The following RAPGEF1 variants were observed in gnomAD, a reference collection of about 807,000 sequenced individuals.
RAPGEF1 encodes the protein CRK SH3-binding GNRP.
RAPGEF1 carries 33 observed loss-of-function variants against 143.3 expected under a neutral mutation model. The observed-to-expected ratio is 0.23, with a 90% CI of 0.17 to 0.31. RAPGEF1 has a LOEUF of 0.31. Among genes scored for constraint, RAPGEF1 ranks in the 10% least tolerant of loss-of-function variants. The pLI, the probability that RAPGEF1 is intolerant of heterozygous loss-of-function variation, is 1.00. For synonymous variants in RAPGEF1, 629 were observed against 676.5 expected (o/e 0.93, Z 1.09); for missense variants, 1,199 against 1,645.4 (o/e 0.73, Z 4.69).
intron 1 of RAPGEF1, among the ~76,000 whole-genome samples, chr9:131,651,427 C>T (rs1971053915): frequency 6.6e-6 from 1 of 152,188 alleles, no homozygotes; most frequent in Non-Finnish European, 1.5e-5. Context: ...GTTCAAAATC[C>T]TCTGGGCCCT....
chr9:131,719,886 CTTTT>C (rs34813794), intron 1 of RAPGEF1, among the ~76,000 whole-genome samples: 5 of 135,718 alleles, frequency 3.7e-5, no homozygotes, highest in Non-Finnish European at 7.9e-5. Flanking sequence ...TTCTTTCTTT[CTTTT>C]TTTTTTTTTT....
intron 1 of RAPGEF1, among the ~76,000 whole-genome samples, chr9:131,718,511 A>T (rs1193325236): frequency 1.3e-5 from 2 of 152,146 alleles, no homozygotes; most frequent in Admixed American, 1.3e-4. Flanking sequence ...GCCTGGAGTA[A>T]GGGGTCAGCA....
At chr9:131,602,179 G>T in intron 14 of RAPGEF1, 30 bp from the exon 15 acceptor site, 3 of 1,529,370 alleles carry the variant, frequency 2.0e-6, no homozygotes, top group Non-Finnish European at 1.8e-6. Context: ...CTGAGTTCTG[G>T]ACAGGGGCCC....
At chr9:131,603,217 C>G (rs988980881) in intron 14 of RAPGEF1, among the ~76,000 whole-genome samples, 3 of 152,248 alleles carry the variant, frequency 2.0e-5, no homozygotes, top group East Asian at 1.9e-4. Flanking sequence ...GGGGGCCCGC[C>G]CTGGGGTGGA....
intron 22 of RAPGEF1, among the ~76,000 whole-genome samples, chr9:131,586,845 C>CACAA (rs1953055658): frequency 9.0e-6 from 1 of 110,820 alleles, no homozygotes; most frequent in Non-Finnish European, 1.8e-5. Flanking sequence ...GTCTCAAACA[C>CACAA]ACACACACAC....
intron 1 of RAPGEF1, among the ~76,000 whole-genome samples, chr9:131,706,774 A>G (rs1384349967): frequency 6.6e-6 from 1 of 152,176 alleles, no homozygotes; most frequent in Non-Finnish European, 1.5e-5. Context: ...CCCCGGGTCT[A>G]TCAGCCCAAA....
At chr9:131,725,672 C>T (rs769713990) in intron 1 of RAPGEF1, among the ~76,000 whole-genome samples, 1 of 151,898 alleles carries the variant, frequency 6.6e-6, no homozygotes, top group Non-Finnish European at 1.5e-5. Flanking sequence ...TGATGTTGAG[C>T]ACATTTTGAT....
At chr9:131,679,894 C>T (rs1479724273) in intron 1 of RAPGEF1, among the ~76,000 whole-genome samples, 2 of 152,298 alleles carry the variant, frequency 1.3e-5, no homozygotes, top group Middle Eastern at 3.4e-3. Context: ...AGTCAGCTGG[C>T]AAGAGGAGTT....
At chr9:131,695,146 A>T (rs1329995548) in intron 1 of RAPGEF1, among the ~76,000 whole-genome samples, 1 of 152,174 alleles carries the variant, frequency 6.6e-6, no homozygotes, top group Non-Finnish European at 1.5e-5. Context: ...CCTGGCATGC[A>T]GCACATGTCT....
rs1032905609 is a variant in RAPGEF1, at chr9:131,685,325, C to G, written c.62-34376G>C. Among the ~76,000 whole-genome samples, 7 of 152,346 alleles carry G rather than the reference C, an allele frequency of 4.6e-5. 1 individual carries two copies. In the South Asian group the frequency reaches 1.4e-3, roughly 32 times the overall value. Reference sequence around the variant, plus strand: ...ATGTTGGGAGCAGGCCCCCCAAAATCTGGCCATAAACTGGCCCCAAAACTG... The same window carrying G: ...ATGTTGGGAGCAGGCCCCCCAAAATGTGGCCATAAACTGGCCCCAAAACTG... On this transcript the variant is annotated intron_variant, in intron 1 of 26. Coordinates refer to ENST00000683357, the MANE Select transcript of RAPGEF1 (RefSeq NM_001377935.1).
chr9:131,684,081 A>C (rs909699914), intron 1 of RAPGEF1, among the ~76,000 whole-genome samples: 1 of 152,260 alleles, frequency 6.6e-6, no homozygotes, highest in Non-Finnish European at 1.5e-5. Flanking sequence ...ACGCAGATAC[A>C]GCATTACCTG....
chr9:131,693,485 A>T (rs1238114766), intron 1 of RAPGEF1, among the ~76,000 whole-genome samples: 1 of 152,142 alleles, frequency 6.6e-6, no homozygotes. Flanking sequence ...CAAACAGGCC[A>T]GTTGTAGCTG....
rs199873827 is a variant in RAPGEF1 at position 131,605,214 on chromosome 9, C to T, written c.2062-26G>A. The T allele has an allele frequency of 3.1e-6, 4 of 1,275,382 alleles. No individual in the cohort carries two copies. In the African/African-American group the frequency reaches 6.2e-5, roughly 20 times the overall value. The allele number at this position is 1,275,382 out of a possible 1,614,324, so 79.0% of individuals were successfully genotyped here. On this transcript the variant is annotated intron_variant, in intron 12 of 26. Coordinates refer to ENST00000683357, the MANE Select transcript of RAPGEF1 (RefSeq NM_001377935.1). The stretch of plus-strand genomic sequence containing the variant: ...CTACAGAATCCAGGTGGAGAACAAA[C>T]AAAAACGAGAATACAAGAAGAAAAG...
intron 22 of RAPGEF1, among the ~76,000 whole-genome samples, chr9:131,585,582 T>C (rs1248687087): frequency 6.6e-6 from 1 of 152,226 alleles, no homozygotes; most frequent in Non-Finnish European, 1.5e-5. Context: ...GCAGCTTCCG[T>C]CTGCTTTAGA....
At chr9:131,670,618 C>T (rs546179851) in intron 1 of RAPGEF1, among the ~76,000 whole-genome samples, 8 of 152,288 alleles carry the variant, frequency 5.3e-5, no homozygotes, top group South Asian at 4.1e-4. Flanking sequence ...AAAGACCTCC[C>T]GGCTGTGCTA....
chr9:131,720,270 A>G (rs957505956), intron 1 of RAPGEF1, among the ~76,000 whole-genome samples: 9 of 152,252 alleles, frequency 5.9e-5, no homozygotes, highest in Non-Finnish European at 1.2e-4. Context: ...CACATAGCAC[A>G]GCTCCTGGCA....
At chr9:131,590,705 C>A (rs935255118) in intron 18 of RAPGEF1, among the ~76,000 whole-genome samples, 1 of 152,256 alleles carries the variant, frequency 6.6e-6, no homozygotes, top group Non-Finnish European at 1.5e-5. Flanking sequence ...GGGCTCAGGA[C>A]AGAGCAACGT....
In RAPGEF1 at chr9:131,655,222, G is replaced by C. The variant is rs948022509; in HGVS notation, c.62-4273C>G. Among the ~76,000 whole-genome samples, 1 of 152,230 alleles carries C rather than the reference G, an allele frequency of 6.6e-6. No homozygotes were observed. The highest frequency in any genetic ancestry group is 1.5e-5 in the Non-Finnish European group (1 of 68,042). On this transcript the variant is annotated intron_variant, in intron 1 of 26. Coordinates refer to ENST00000683357, the MANE Select transcript of RAPGEF1 (RefSeq NM_001377935.1). The surrounding 1 kb of genome is among the most constrained non-coding windows in gnomAD (Gnocchi z 4.1). ...CACCCACTGCGCTCTGGACCAAAGA[G>C]AAAAGCCAGGGCCTGACCCGCATTC...
At position 131,577,587 on chromosome 9, in the gene RAPGEF1, A is replaced by C. The variant is rs542943990; in HGVS notation, c.*1910T>G. On this transcript the variant is annotated 3_prime_UTR_variant, in exon 27 of 27. Coordinates refer to ENST00000683357, the MANE Select transcript of RAPGEF1 (RefSeq NM_001377935.1). Reference sequence around the variant, plus strand: ...CACACAACCCAAGGGCCCTGTGTGCAGAGCGGCCCTCACACGCGCACAGCA... The same window carrying C: ...CACACAACCCAAGGGCCCTGTGTGCCGAGCGGCCCTCACACGCGCACAGCA... The C allele has an allele frequency of 6.6e-6, 1 of 152,432 alleles. No homozygotes were observed. Among genetic ancestry groups the C allele is most frequent in the South Asian group, 2.1e-4 (1 of 4,832 alleles). The allele number at this position is 152,432 out of a possible 1,614,324, so 9.4% of individuals were successfully genotyped here. A position where few individuals can be genotyped will look rare whatever the true frequency, so the allele number is the denominator to read the frequency against.
Sources: allele counts gnomAD v4.1 joint callset (sites outside exome capture counted in the v4.1 genomes callset), GRCh38; gene constraint gnomAD v4.1.1; non-coding constraint Gnocchi (gnomAD v3.1); transcripts MANE v1.5; gene names NCBI Gene and HGNC (gene_info 2026-07-23, HGNC 2026-07-21).